DPY19L4: variants seen among roughly 807,000 people sequenced by gnomAD.
The protein encoded by DPY19L4 is dpy-19 like 4.
A neutral mutation model predicts 102.8 loss-of-function variants in DPY19L4; 97 were observed. The observed-to-expected ratio is 0.94, with a 90% CI of 0.80 to 1.12. The LOEUF (loss-of-function observed/expected upper bound fraction) is 1.12, where lower values mean the gene tolerates loss of function less well. Ranked by LOEUF, DPY19L4 falls within the 50% of genes most tolerant of loss-of-function variation. DPY19L4 has a pLI of 0.00. For missense variants in DPY19L4, 815 were observed against 850.4 expected (o/e 0.96, Z 0.52); for synonymous variants, 252 against 283.1 (o/e 0.89, Z 1.10).
chr8:94,726,526 C>A, intron 2 of DPY19L4, 85 bp downstream of exon 2: 3 of 1,144,304 alleles, frequency 2.6e-6, no homozygotes, highest in South Asian at 1.7e-5. Context: ...TTTAAATATA[C>A]ATATTTTGAG....
At chr8:94,756,409 ACATAT>A (rs1812165501) in intron 7 of DPY19L4, among the ~76,000 whole-genome samples, 1 of 152,208 alleles carries the variant, frequency 6.6e-6, no homozygotes, top group African/African-American at 2.4e-5. Flanking sequence ...AATATATGAA[ACATAT>A]CTTATTTTGA....
At chr8:94,763,696 T>A (rs983422279) in intron 8 of DPY19L4, among the ~76,000 whole-genome samples, 3 of 151,950 alleles carry the variant, frequency 2.0e-5, no homozygotes, top group Non-Finnish European at 4.4e-5. Context: ...CATTTTTTTT[T>A]TTTATTTTTA....
chr8:94,766,411 A>C (rs1198073245), intron 10 of DPY19L4, among the ~76,000 whole-genome samples: 1 of 152,176 alleles, frequency 6.6e-6, no homozygotes, highest in Non-Finnish European at 1.5e-5. Flanking sequence ...TTACTACGCC[A>C]TTGTAGTTTA....
intron 8 of DPY19L4, among the ~76,000 whole-genome samples, chr8:94,764,689 G>GTGTGTGTGTGTATATATA (rs1415377058): frequency 9.7e-4 from 42 of 43,198 alleles, no homozygotes; most frequent in African/African-American, 3.2e-3. Flanking sequence ...GTCTGTGTGT[G>GTGTGTGTGTGTATATATA]TATATATATA....
chr8:94,779,042 T>G (rs1276880937), intron 14 of DPY19L4, among the ~76,000 whole-genome samples: 2 of 152,176 alleles, frequency 1.3e-5, no homozygotes, highest in Non-Finnish European at 2.9e-5. Flanking sequence ...ATTTTCTATT[T>G]GCTCACTCTT....
intron 12 of DPY19L4, among the ~76,000 whole-genome samples, chr8:94,769,180 G>T (rs1220092700): frequency 6.7e-6 from 1 of 148,204 alleles, no homozygotes; most frequent in East Asian, 2.1e-4. Flanking sequence ...TCCTACCTCA[G>T]CCTCCCGAGT....
At chr8:94,779,219 T>TA (rs10632320) in intron 14 of DPY19L4, among the ~76,000 whole-genome samples, 69,646 of 145,762 alleles carry the variant, frequency 0.48, 19,048 homozygotes, top group East Asian at 0.78. Context: ...TTTTATAGAT[T>TA]AAAAAAAAAA....
chr8:94,732,852 C>T (rs1303676101), intron 2 of DPY19L4, among the ~76,000 whole-genome samples: 2 of 145,526 alleles, frequency 1.4e-5, no homozygotes, highest in Admixed American at 1.4e-4. Flanking sequence ...GCTGTGTCAC[C>T]TAGGCTGGAA....
chr8:94,754,047 G>C (rs543055439), intron 6 of DPY19L4, among the ~76,000 whole-genome samples: 1 of 152,174 alleles, frequency 6.6e-6, no homozygotes, highest in South Asian at 2.1e-4. Context: ...GATGAGCATG[G>C]TGGCATGTGC....
At chr8:94,772,811 AAG>A (rs1489650079) in intron 13 of DPY19L4, among the ~76,000 whole-genome samples, 1 of 152,256 alleles carries the variant, frequency 6.6e-6, no homozygotes, top group Non-Finnish European at 1.5e-5. Flanking sequence ...CTTATCAGGC[AAG>A]AGGTTACCTC....
intron 6 of DPY19L4, chr8:94,744,294 G>GGTA: frequency 2.2e-6 from 1 of 453,944 alleles, no homozygotes; most frequent in South Asian, 1.6e-5. Context: ...TACCTTACTG[G>GGTA]CTTTTGGCCA....
Position 94,790,047 on chromosome 8 carries a change from A to G in DPY19L4, c.*137A>G. On this transcript the variant is annotated 3_prime_UTR_variant, in exon 19 of 19. Transcript: ENST00000414645. ...CTTTCCCCCTTCTGCTGTTAACTGG[A>G]TCCAGAGTTCTGTGGGAAATAGAAG... The G allele has an allele frequency of 1.3e-6, 1 of 796,518 alleles. No individual in the cohort carries two copies. Among genetic ancestry groups the G allele is most frequent in the Non-Finnish European group, 1.9e-6 (1 of 515,022 alleles). The allele number at this position is 796,518 out of a possible 1,614,324, so 49.3% of individuals were successfully genotyped here. A position where few individuals can be genotyped will look rare whatever the true frequency, so the allele number is the denominator to read the frequency against.
At chr8:94,732,811 C>CTTTTTTTTTTTTTTTT (rs10624368) in intron 2 of DPY19L4, among the ~76,000 whole-genome samples, 4 of 128,100 alleles carry the variant, frequency 3.1e-5, no homozygotes, top group Non-Finnish European at 3.2e-5. Context: ...CTTTTTCTTT[C>CTTTTTTTTTTTTTTTT]TTTTTTTTTT....
At chr8:94,724,957 T>C (rs556545773) in intron 1 of DPY19L4, among the ~76,000 whole-genome samples, 3 of 152,292 alleles carry the variant, frequency 2.0e-5, no homozygotes, top group South Asian at 4.1e-4. Flanking sequence ...AATGGTAGTA[T>C]AGAAATGGGT....
intron 6 of DPY19L4, among the ~76,000 whole-genome samples, chr8:94,748,853 A>G (rs555674158): frequency 1.3e-5 from 2 of 152,184 alleles, no homozygotes; most frequent in East Asian, 3.9e-4. Context: ...AGGTGGAACA[A>G]TTTCATCCCC....
At chr8:94,744,928 T>C (rs1811604857) in intron 6 of DPY19L4, 1 of 222,758 alleles carries the variant, frequency 4.5e-6, no homozygotes, top group African/African-American at 2.3e-5. Flanking sequence ...TTGCTTTTTG[T>C]TTATATTTTA....
chr8:94,773,811 G>A (rs1813042072), intron 13 of DPY19L4, among the ~76,000 whole-genome samples: 1 of 144,112 alleles, frequency 6.9e-6, no homozygotes, highest in Non-Finnish European at 1.5e-5. Flanking sequence ...GGAGGCAGAT[G>A]ATCACTTGAG....
At chr8:94,727,437 T>G (rs759460558) in intron 2 of DPY19L4, among the ~76,000 whole-genome samples, 1 of 152,240 alleles carries the variant, frequency 6.6e-6, no homozygotes, top group African/African-American at 2.4e-5. Flanking sequence ...TTTCACCATG[T>G]TGGCCAGTCT....
rs558908250 is a variant in DPY19L4, at chr8:94,781,131, T to C, written c.1680T>C (p.Tyr560=). The C allele has an allele frequency of 6.2e-7, 1 of 1,600,332 alleles. No individual in the cohort carries two copies. Among genetic ancestry groups the C allele is most frequent in the Admixed American group, 1.7e-5 (1 of 57,294 alleles). The change falls in exon 16 of 19, where the codon TAT becomes TAC. Residue 560 remains tyrosine, a synonymous_variant. Coordinates refer to ENST00000414645, the MANE Select transcript of DPY19L4 (RefSeq NM_181787.3). Reference sequence around the variant, plus strand: ...AATTAATGGAACTACAGGAATTCTATGACCCAGATACAGTGGAACTTATGA... The same window carrying C: ...AATTAATGGAACTACAGGAATTCTACGACCCAGATACAGTGGAACTTATGA... ...MTELMELQEF[Y]DPDTVELMTW...
Sources: allele counts gnomAD v4.1 joint callset (sites outside exome capture counted in the v4.1 genomes callset), GRCh38; gene constraint gnomAD v4.1.1; transcripts MANE v1.5; gene names NCBI Gene and HGNC (gene_info 2026-07-23, HGNC 2026-07-21).